Variants in CDH18 observed in about 807,000 individuals in gnomAD.
CDH18 encodes the protein cadherin-18.
Under a neutral mutation model 67.9 loss-of-function variants are expected in CDH18, and 31 were observed. The observed-to-expected ratio is 0.46, with a 90% CI of 0.34 to 0.62. The LOEUF (loss-of-function observed/expected upper bound fraction) is 0.62. Ranked by LOEUF, CDH18 falls within the 20% of genes least tolerant of loss-of-function variation. The pLI is 0.01. For missense variants in CDH18, 890 were observed against 975.5 expected (o/e 0.91, Z 1.17); for synonymous variants, 362 against 347.2 (o/e 1.04, Z -0.48).
intron 1 of CDH18, among the ~76,000 whole-genome samples, chr5:20,500,954 A>G (rs1162429556): frequency 3.3e-5 from 5 of 152,172 alleles, no homozygotes; most frequent in African/African-American, 1.2e-4. Context: ...TCTAAGAAGA[A>G]TGATGCTATA....
chr5:19,822,640 G>A (rs778562747), intron 3 of CDH18, among the ~76,000 whole-genome samples: 1 of 152,132 alleles, frequency 6.6e-6, no homozygotes, highest in African/African-American at 2.4e-5. Flanking sequence ...GGGAGTGTAC[G>A]AATAGGGTGT....
intron 6 of CDH18, among the ~76,000 whole-genome samples, chr5:19,604,734 C>T (rs1747756516): frequency 6.6e-6 from 1 of 152,030 alleles, no homozygotes; most frequent in African/African-American, 2.4e-5. Flanking sequence ...GGGCAATTTT[C>T]CTCTATCAGA....
intron 2 of CDH18, among the ~76,000 whole-genome samples, chr5:19,859,570 T>C (rs1021120958): frequency 1.3e-5 from 2 of 152,286 alleles, no homozygotes; most frequent in Admixed American, 1.3e-4. Context: ...CTGAAGCCTA[T>C]GAAACCTGTA....
At chr5:19,706,271 T>G (rs1763948135) in intron 5 of CDH18, among the ~76,000 whole-genome samples, 1 of 152,214 alleles carries the variant, frequency 6.6e-6, no homozygotes, top group Admixed American at 6.5e-5. Flanking sequence ...ATACACCTCT[T>G]CCAGGACTTT....
chr5:20,138,029 C>A (rs561265286), intron 2 of CDH18, among the ~76,000 whole-genome samples: 1 of 152,012 alleles, frequency 6.6e-6, no homozygotes, highest in Non-Finnish European at 1.5e-5. Flanking sequence ...AATTTTAGAC[C>A]AATATCCCTG....
intron 1 of CDH18, among the ~76,000 whole-genome samples, chr5:20,557,800 T>C (rs1483742606): frequency 6.6e-6 from 1 of 152,038 alleles, no homozygotes; most frequent in African/African-American, 2.4e-5. Flanking sequence ...TTCAACTTGA[T>C]ATAAATAATT....
chr5:20,172,238 A>ACGTATATATATG (rs1250590779), intron 2 of CDH18, among the ~76,000 whole-genome samples: 14 of 118,934 alleles, frequency 1.2e-4, no homozygotes, highest in Non-Finnish European at 1.8e-4. Context: ...ATATATATAT[A>ACGTATATATATG]TGTATATATA....
At chr5:19,764,660 T>C (rs986941703) in intron 3 of CDH18, among the ~76,000 whole-genome samples, 10 of 150,726 alleles carry the variant, frequency 6.6e-5, no homozygotes, top group Admixed American at 1.3e-4. Flanking sequence ...CACACACACA[T>C]ACACATATAT....
At chr5:20,241,889 T>TGTATAC (rs1362284798) in intron 2 of CDH18, among the ~76,000 whole-genome samples, 7 of 76,906 alleles carry the variant, frequency 9.1e-5, no homozygotes, top group Admixed American at 3.7e-4. Flanking sequence ...AATATATATA[T>TGTATAC]ATGTATATAT....
chr5:20,035,917 T>C (rs1425487078), intron 2 of CDH18, among the ~76,000 whole-genome samples: 4 of 152,082 alleles, frequency 2.6e-5, no homozygotes, highest in Non-Finnish European at 4.4e-5. Context: ...AGGACTGAAT[T>C]TGATAGCTGA....
intron 2 of CDH18, among the ~76,000 whole-genome samples, chr5:19,910,088 T>A (rs1238201354): frequency 6.6e-6 from 1 of 152,194 alleles, no homozygotes; most frequent in East Asian, 1.9e-4. Flanking sequence ...AAATGGATAT[T>A]TTCTTTTCTT....
intron 2 of CDH18, among the ~76,000 whole-genome samples, chr5:20,072,783 A>C (rs954345974): frequency 6.6e-6 from 1 of 151,926 alleles, no homozygotes; most frequent in Non-Finnish European, 1.5e-5. Context: ...TGGAACTTTG[A>C]CAAATTAATC....
chr5:19,537,464 A>G (rs1749603605), intron 9 of CDH18, among the ~76,000 whole-genome samples: 1 of 150,728 alleles, frequency 6.6e-6, no homozygotes, highest in Non-Finnish European at 1.5e-5. Flanking sequence ...CATACACATT[A>G]CACACACACA....
chr5:19,647,789 AC>A (rs1252686036), intron 5 of CDH18, among the ~76,000 whole-genome samples: 1 of 151,904 alleles, frequency 6.6e-6, no homozygotes, highest in Admixed American at 6.6e-5. Flanking sequence ...TTATGCATAC[AC>A]CCTAGAGGAG....
intron 2 of CDH18, among the ~76,000 whole-genome samples, chr5:20,037,189 G>A (rs891710130): frequency 5.3e-5 from 8 of 152,028 alleles, no homozygotes; most frequent in African/African-American, 1.9e-4. Context: ...CCCATTAGTT[G>A]ATGCAGTTTC....
intron 2 of CDH18, among the ~76,000 whole-genome samples, chr5:20,183,970 A>C (rs1737897518): frequency 6.6e-6 from 1 of 152,134 alleles, no homozygotes; most frequent in Non-Finnish European, 1.5e-5. Flanking sequence ...ACTTACACGA[A>C]AATATGTACA....
Position 20,107,359 on chromosome 5 carries a change from C to T in CDH18, c.-517-115345G>A, listed in dbSNP as rs1180279656. ...AAAGTGCTGTGATTACAGGCGTGAG[C>T]CACTGCACCCAGCCTCTCTCTTATA... On this transcript the variant is annotated intron_variant, in intron 2 of 14. Transcript: ENST00000507958. 2.6e-5 allele frequency among the ~76,000 whole-genome samples: 4 copies of T among 152,272 alleles called. No individual in the cohort carries two copies. The East Asian group carries it at 5.8e-4, about 22-fold the overall frequency.
At chr5:19,646,404 A>C (rs1358610693) in intron 5 of CDH18, among the ~76,000 whole-genome samples, 1 of 151,654 alleles carries the variant, frequency 6.6e-6, no homozygotes, top group Non-Finnish European at 1.5e-5. Flanking sequence ...CAGTGGTGTG[A>C]TCTCGGCTCA....
chr5:20,359,712 T>G (rs1049858552), intron 1 of CDH18, among the ~76,000 whole-genome samples: 1 of 152,170 alleles, frequency 6.6e-6, no homozygotes, highest in Non-Finnish European at 1.5e-5. Context: ...AACCACTAAT[T>G]CTCCACCAGT....
Sources: gnomAD v4.1 joint callset for allele counts (sites outside exome capture counted in the v4.1 genomes callset) on GRCh38, gnomAD v4.1.1 for gene constraint, MANE v1.5 for transcripts, NCBI Gene and HGNC (gene_info 2026-07-23, HGNC 2026-07-21) for gene names.